The following CD300LF variants were observed in gnomAD, a reference collection of about 807,000 sequenced individuals.
CD300LF encodes CMRF35-like molecule 1.
CD300LF carries 27 observed loss-of-function variants against 32.2 expected under a neutral mutation model. That is an observed-to-expected ratio of 0.84 (90% CI 0.62 to 1.15). The LOEUF (loss-of-function observed/expected upper bound fraction) is 1.15, where lower values mean the gene tolerates loss of function less well. Ranked by LOEUF, CD300LF falls within the 50% of genes most tolerant of loss-of-function variation. CD300LF has a pLI of 0.00. For synonymous variants in CD300LF, 139 were observed against 143.2 expected (o/e 0.97, Z 0.21); for missense variants, 348 against 356.8 (o/e 0.98, Z 0.20).
At chr17:74,711,995 C>T (rs1357443990) in intron 1 of CD300LF, among the ~76,000 whole-genome samples, 1 of 149,964 alleles carries the variant, frequency 6.7e-6, no homozygotes, top group Non-Finnish European at 1.5e-5. Context: ...GCCTCCAACT[C>T]CTGGGCTCAA....
chr17:74,698,273 A>T (rs1190676554), intron 4 of CD300LF, 96 bp downstream of exon 4: 1 of 893,314 alleles, frequency 1.1e-6, no homozygotes, highest in Non-Finnish European at 1.8e-6. Context: ...CCATTTCCTG[A>T]TTGTGTGGGT....
At chr17:74,704,878 GT>G in intron 1 of CD300LF, 62 bp from the exon 2 acceptor site, 1 of 1,323,358 alleles carries the variant, frequency 7.6e-7, no homozygotes, top group Non-Finnish European at 1.1e-6. Flanking sequence ...ACAGCTTTCT[GT>G]TTAGGGAATA....
intron 5 of CD300LF, 75 bp from the exon 6 acceptor site, chr17:74,695,934 G>A: frequency 1.3e-6 from 2 of 1,518,510 alleles, no homozygotes. Context: ...CGGTGGGACG[G>A]GACGAGAGCC....
At chr17:74,699,394 C>A (rs886765048) in intron 3 of CD300LF, among the ~76,000 whole-genome samples, 1 of 152,116 alleles carries the variant, frequency 6.6e-6, no homozygotes, top group Non-Finnish European at 1.5e-5. Flanking sequence ...TCCACTCAGA[C>A]CCGTGAATGT....
chr17:74,703,743 C>A (rs1041918753), intron 2 of CD300LF, among the ~76,000 whole-genome samples: 1 of 152,216 alleles, frequency 6.6e-6, no homozygotes, highest in African/African-American at 2.4e-5. Context: ...GACTGTGGTG[C>A]TCCTTCCATG....
intron 4 of CD300LF, among the ~76,000 whole-genome samples, chr17:74,697,562 G>T (rs944996694): frequency 1.3e-5 from 2 of 152,236 alleles, no homozygotes; most frequent in Non-Finnish European, 2.9e-5. Flanking sequence ...AGGCTGTGGG[G>T]AGGGAGAAGT....
At position 74,708,683 on chromosome 17, in the gene CD300LF, A is replaced by G. The variant is rs376035988; in HGVS notation, c.44-3867T>C. ...GGTAATCCCAGCATTTTGGGAGGCC[A>G]AGGCGGGCGGATCAGGAGGTGAGGA... On this transcript the variant is annotated intron_variant, in intron 1 of 6. Transcript: ENST00000326165. 3.2e-4 allele frequency among the ~76,000 whole-genome samples: 49 copies of G among 152,220 alleles called. No individual in the cohort carries two copies. In the East Asian group the frequency reaches 3.9e-3, roughly 12 times the overall value.
intron 1 of CD300LF, among the ~76,000 whole-genome samples, chr17:74,708,652 T>C (rs530779279): frequency 6.5e-4 from 99 of 152,290 alleles, no homozygotes; most frequent in African/African-American, 2.1e-3. Context: ...CGCGGTGGCT[T>C]ACACCGGTAA....
chr17:74,698,447 G>C lies in CD300LF; in HGVS notation c.481C>G (p.Leu161Val), dbSNP rs1389723572. 3.7e-6 allele frequency: 6 copies of C among 1,613,874 alleles called. No homozygotes were observed. In the African/African-American group the frequency reaches 8.0e-5, roughly 22 times the overall value. The stretch of plus-strand genomic sequence containing the variant: ...AGCAGCAGCAATATGGTGAAGATGA[G>C]GGGCAGGAGGACACTGAGCTTCAGG... ...KLLKLSVLLP[L>V]IFTILLLLLV... Residue 161 changes from leucine (L) to valine (V), a missense_variant, in exon 4 of 7, where the codon CTC becomes GTC. Physicochemically the swap from Leu to Val is conservative, Grantham distance 32. Transcript: ENST00000326165.
At chr17:74,697,226 G>A (rs78292629) in intron 4 of CD300LF, among the ~76,000 whole-genome samples, 2,627 of 152,260 alleles carry the variant, frequency 0.017, 41 homozygotes, top group South Asian at 0.041. Flanking sequence ...TTATAGGCAT[G>A]AGCCACGACA....
intron 1 of CD300LF, among the ~76,000 whole-genome samples, chr17:74,707,169 A>G (rs996424272): frequency 2.0e-5 from 3 of 152,258 alleles, no homozygotes; most frequent in African/African-American, 7.2e-5. Context: ...CTGCACAGCA[A>G]AGGAAACAAC....
intron 1 of CD300LF, chr17:74,705,246 G>A: frequency 1.4e-6 from 1 of 702,290 alleles, no homozygotes; most frequent in Non-Finnish European, 2.6e-6. Flanking sequence ...TCGAGCTGAG[G>A]CAGCCACATC....
At chr17:74,712,002 T>C (rs1337753544) in intron 1 of CD300LF, among the ~76,000 whole-genome samples, 1 of 149,996 alleles carries the variant, frequency 6.7e-6, no homozygotes, top group Non-Finnish European at 1.5e-5. Context: ...ACTCCTGGGC[T>C]CAAGTGATCC....
intron 3 of CD300LF, among the ~76,000 whole-genome samples, chr17:74,699,947 C>A (rs910533621): frequency 6.6e-6 from 1 of 151,906 alleles, no homozygotes; most frequent in Middle Eastern, 3.2e-3. Flanking sequence ...TCAAGACCAG[C>A]CTGACCAACA....
At chr17:74,704,449 G>GAC (rs770044122) in intron 2 of CD300LF, 29 bp downstream of exon 2, 5 of 1,498,500 alleles carry the variant, frequency 3.3e-6, no homozygotes, top group Non-Finnish European at 4.6e-6. Flanking sequence ...GGCCCTGAGA[G>GAC]ACACACACAT....
chr17:74,695,002 G>T lies in CD300LF; in HGVS notation c.*94C>A. 7.3e-7 allele frequency: 1 copy of T among 1,364,436 alleles called. No individual in the cohort carries two copies. Among genetic ancestry groups the T allele is most frequent in the South Asian group, 1.4e-5 (1 of 71,620 alleles). The allele number at this position is 1,364,436 out of a possible 1,614,324, so 84.5% of individuals were successfully genotyped here. A position where few individuals can be genotyped will look rare whatever the true frequency, so the allele number is the denominator to read the frequency against. Reference sequence around the variant, plus strand: ...TGATCAGGCAGAGGCACCAGTCCCCGGGTTGGTCCTGATGAGGGGAGCAGG... The same window carrying T: ...TGATCAGGCAGAGGCACCAGTCCCCTGGTTGGTCCTGATGAGGGGAGCAGG... On this transcript the variant is annotated 3_prime_UTR_variant, in exon 7 of 7. Coordinates refer to ENST00000326165, the MANE Select transcript of CD300LF (RefSeq NM_139018.5).
chr17:74,711,100 C>A (rs1267552060), intron 1 of CD300LF, among the ~76,000 whole-genome samples: 1 of 151,700 alleles, frequency 6.6e-6, no homozygotes, highest in Non-Finnish European at 1.5e-5. Flanking sequence ...TATTTTTTTT[C>A]TTGGGTGTTT....
chr17:74,696,730 TGTAAGCTGCAGGGTGGCTGG>T (rs2032517392), intron 4 of CD300LF, among the ~76,000 whole-genome samples: 2 of 152,192 alleles, frequency 1.3e-5, no homozygotes, highest in African/African-American at 2.4e-5. Context: ...TCAGGTGGGC[TGTAAGCTGCAGGGTGGCTGG>T]GCCTGTCCCT....
rs934232139 is a variant in CD300LF, at chr17:74,705,066, C to T, written c.44-250G>A. 3.7e-5 allele frequency: 23 copies of T among 620,208 alleles called. 1 individual carries two copies. The South Asian group carries it at 3.9e-4, about 11-fold the overall frequency. The allele number at this position is 620,208 out of a possible 1,614,324, so 38.4% of individuals were successfully genotyped here. A position where few individuals can be genotyped will look rare whatever the true frequency, so the allele number is the denominator to read the frequency against. ...ATATTGGCATAAGCAATAATAACTT[C>T]CTGCAGTTCACCCCTCTCTCCACCC... On this transcript the variant is annotated intron_variant, in intron 1 of 6. Coordinates refer to ENST00000326165, the MANE Select transcript of CD300LF (RefSeq NM_139018.5).
Sources: allele counts gnomAD v4.1 joint callset (sites outside exome capture counted in the v4.1 genomes callset), GRCh38; gene constraint gnomAD v4.1.1; transcripts MANE v1.5; gene names NCBI Gene and HGNC (gene_info 2026-07-23, HGNC 2026-07-21).